DNAH8: variants seen among roughly 807,000 people sequenced by gnomAD.
DNAH8 encodes the protein dynein axonemal heavy chain 8.
DNAH8 carries 382 observed loss-of-function variants against 562.1 expected under a neutral mutation model. The observed-to-expected ratio is 0.68, with a 90% CI of 0.63 to 0.74. The LOEUF is 0.74. DNAH8 is among the 30% of genes least tolerant of loss of function. The probability of loss-of-function intolerance (pLI) is 0.00; values close to 1 mark genes in which losing one functional copy is unlikely to be tolerated. For missense variants in DNAH8, 5,203 were observed against 5,620.4 expected (o/e 0.93, Z 2.37); for synonymous variants, 1,881 against 1,919.4 (o/e 0.98, Z 0.52).
intron 88 of DNAH8, among the ~76,000 whole-genome samples, chr6:39,000,079 T>G (rs1351120748): frequency 6.6e-6 from 1 of 152,180 alleles, no homozygotes; most frequent in East Asian, 1.9e-4. Flanking sequence ...ATTTGAGGTT[T>G]AATAAAATGC....
intron 88 of DNAH8, among the ~76,000 whole-genome samples, chr6:38,996,241 C>T (rs943696878): frequency 1.2e-4 from 19 of 152,030 alleles, no homozygotes; most frequent in Non-Finnish European, 2.1e-4. Flanking sequence ...CTTCCCTTCA[C>T]ATGCCTATAA....
At chr6:38,864,856 G>A (rs896669113) in intron 45 of DNAH8, among the ~76,000 whole-genome samples, 2 of 152,072 alleles carry the variant, frequency 1.3e-5, no homozygotes, top group African/African-American at 4.8e-5. Flanking sequence ...AACTTCCTAG[G>A]TCACCCAGCC....
At chr6:38,736,215 C>T (rs1047602437) in intron 5 of DNAH8, among the ~76,000 whole-genome samples, 1 of 152,128 alleles carries the variant, frequency 6.6e-6, no homozygotes, top group African/African-American at 2.4e-5. Context: ...CTTGTTTCTC[C>T]ATCCCTCTAT....
At chr6:38,801,817 A>T (rs892469478) in intron 21 of DNAH8, among the ~76,000 whole-genome samples, 6 of 152,224 alleles carry the variant, frequency 3.9e-5, no homozygotes, top group Admixed American at 1.3e-4. Flanking sequence ...AGAAAGGAAC[A>T]CATAACACAT....
At chr6:39,000,209 G>C (rs1765397048) in intron 88 of DNAH8, among the ~76,000 whole-genome samples, 2 of 152,130 alleles carry the variant, frequency 1.3e-5, no homozygotes, top group Non-Finnish European at 2.9e-5. Flanking sequence ...CATCTGTTGG[G>C]GAAGATGATG....
At chr6:38,956,832 C>T (rs1480450359) in intron 82 of DNAH8, among the ~76,000 whole-genome samples, 1 of 152,008 alleles carries the variant, frequency 6.6e-6, no homozygotes, top group Non-Finnish European at 1.5e-5. Flanking sequence ...AATCACTTAA[C>T]CCCGACCAAG....
chr6:38,927,490 G>T (rs992464143), intron 74 of DNAH8, among the ~76,000 whole-genome samples: 1 of 152,168 alleles, frequency 6.6e-6, no homozygotes, highest in Non-Finnish European at 1.5e-5. Context: ...AAATAGAAGA[G>T]AAGAGTTAAA....
chr6:38,956,467 G>A (rs939847041), intron 82 of DNAH8, among the ~76,000 whole-genome samples: 1 of 152,164 alleles, frequency 6.6e-6, no homozygotes, highest in Non-Finnish European at 1.5e-5. Context: ...ACTCCCATCT[G>A]AACCAATGAG....
intron 12 of DNAH8, among the ~76,000 whole-genome samples, chr6:38,772,990 T>G (rs945860358): frequency 1.2e-4 from 14 of 118,576 alleles, no homozygotes; most frequent in African/African-American, 3.8e-4. Flanking sequence ...TTTTTTTTTT[T>G]TTTTTTTTGT....
At position 38,924,508 on chromosome 6, in the gene DNAH8, C is replaced by G. The variant is rs57754616; in HGVS notation, c.10962+346C>G. 9.5e-3 allele frequency among the ~76,000 whole-genome samples: 1,422 copies of G among 150,008 alleles called. 72 individuals are homozygous for G. In the East Asian group the frequency reaches 0.14, roughly 15 times the overall value. On this transcript the variant is annotated intron_variant, in intron 73 of 92. Coordinates refer to ENST00000327475, the MANE Select transcript of DNAH8 (RefSeq NM_001206927.2). ...AACAAGAGAGAAACTCCATCCCCCC[C>G]CCAAAAAAAAGAAACCCAGGTTCAT...
rs76553151 is a variant in DNAH8 at position 38,899,984 on chromosome 6, C to A, written c.9194+78C>A. The A allele has an allele frequency of 3.4e-3, 4,194 of 1,224,144 alleles. 103 individuals are homozygous for A. In the African/African-American group the frequency reaches 0.055, roughly 16 times the overall value. The allele number at this position is 1,224,144 out of a possible 1,614,324, so 75.8% of individuals were successfully genotyped here. A position where few individuals can be genotyped will look rare whatever the true frequency, so the allele number is the denominator to read the frequency against. ...TAAATGTTTAGAAAAAAAGGAAGCACAACAGTTTCCTGTATTTCTTTTTAA... is the reference window on the plus strand; with the variant it reads ...TAAATGTTTAGAAAAAAAGGAAGCAAAACAGTTTCCTGTATTTCTTTTTAA... On this transcript the variant is annotated intron_variant, in intron 62 of 92. Coordinates refer to ENST00000327475, the MANE Select transcript of DNAH8 (RefSeq NM_001206927.2).
At chr6:38,881,130 G>C (rs1778443776) in intron 53 of DNAH8, among the ~76,000 whole-genome samples, 1 of 151,840 alleles carries the variant, frequency 6.6e-6, no homozygotes, top group Non-Finnish European at 1.5e-5. Flanking sequence ...TGCCGTAATA[G>C]AGCACCTAGA....
chr6:38,995,542 C>T (rs972100506), intron 88 of DNAH8, among the ~76,000 whole-genome samples: 5 of 152,202 alleles, frequency 3.3e-5, no homozygotes, highest in African/African-American at 7.2e-5. Context: ...TGATATCTTT[C>T]GTATTTCTCT....
At position 38,906,299 on chromosome 6, in the gene DNAH8, C is replaced by A; in HGVS notation, c.9240C>A (p.Tyr3080Ter). ...TNLTDDLKAL[Y>*]KVAGADGKGI... ...TAACAGATGATTTAAAAGCTTTGTACAAAGTTGCTGGTGCTGATGGAAAAG... is the reference window on the plus strand; with the variant it reads ...TAACAGATGATTTAAAAGCTTTGTAAAAAGTTGCTGGTGCTGATGGAAAAG... Residue 3080 changes from tyrosine to a stop codon, truncating the protein, a stop_gained, in exon 63 of 93, where the codon TAC becomes TAA. Transcript: ENST00000327475. LOFTEE classifies it high-confidence loss of function. 6.2e-7 allele frequency: 1 copy of A among 1,607,216 alleles called. No homozygotes were observed.
intron 41 of DNAH8, among the ~76,000 whole-genome samples, chr6:38,855,036 A>G (rs955881123): frequency 6.7e-6 from 1 of 149,112 alleles, no homozygotes; most frequent in Non-Finnish European, 1.5e-5. Context: ...TATTCACATA[A>G]GTATATATGA....
Position 38,845,740 on chromosome 6 carries a change from G to T in DNAH8, c.5012G>T (p.Ser1671Ile). The change falls in exon 36 of 93, where the codon AGT becomes ATT. Residue 1671 changes from serine (S) to isoleucine (I), a missense_variant. Transcript: ENST00000327475. Reference sequence around the variant, plus strand: ...GAAATTATCACTTTGATGGAGGATAGTTTAATGGTCTTAGGGTCTTTACTC... The same window carrying T: ...GAAATTATCACTTTGATGGAGGATATTTTAATGGTCTTAGGGTCTTTACTC... ...SGEIITLMED[S>I]LMVLGSLLSN... 1 of 1,613,862 alleles carries T rather than the reference G, an allele frequency of 6.2e-7. No homozygotes were observed. Among genetic ancestry groups the T allele is most frequent in the Middle Eastern group, 1.7e-4 (1 of 6,060 alleles).
chr6:38,789,263 T>G (rs1323532441), intron 18 of DNAH8, among the ~76,000 whole-genome samples: 1 of 152,188 alleles, frequency 6.6e-6, no homozygotes, highest in Non-Finnish European at 1.5e-5. Flanking sequence ...GATTATTAAT[T>G]TGGAGATAAA....
intron 4 of DNAH8, 144 bp from the exon 5 acceptor site, chr6:38,734,330 C>A: frequency 2.7e-6 from 2 of 738,252 alleles, no homozygotes; most frequent in South Asian, 4.0e-5. Context: ...TAGTAGACCC[C>A]CCCCCAAAAA....
At chr6:38,931,761 C>G in intron 75 of DNAH8, 50 bp from the exon 76 acceptor site, 1 of 1,268,636 alleles carries the variant, frequency 7.9e-7, no homozygotes, top group Non-Finnish European at 1.1e-6. Flanking sequence ...ACCCAAGTTC[C>G]TTTCCCTGCC....
Sources: gnomAD v4.1 joint callset for allele counts (sites outside exome capture counted in the v4.1 genomes callset) on GRCh38, gnomAD v4.1.1 for gene constraint, MANE v1.5 for transcripts, NCBI Gene and HGNC (gene_info 2026-07-23, HGNC 2026-07-21) for gene names.